The following SOX6 variants were observed in gnomAD, a reference collection of about 807,000 sequenced individuals.
SOX6 encodes the protein SRY-box transcription factor 6.
In SOX6, 11 loss-of-function variants were observed where a neutral mutation model predicts 97.8. The ratio of observed to expected loss-of-function variants is 0.11; its 90% CI spans 0.07 to 0.19. SOX6 has a LOEUF of 0.19. Among genes scored for constraint, SOX6 ranks in the 10% least tolerant of loss-of-function variants. The probability of loss-of-function intolerance (pLI) is 1.00; values close to 1 mark genes in which losing one functional copy is unlikely to be tolerated. For synonymous variants in SOX6, 360 were observed against 371.4 expected (o/e 0.97, Z 0.35); for missense variants, 810 against 1,039.5 (o/e 0.78, Z 3.04).
chr11:16,690,372 C>A (rs980117361), intron 3 of SOX6, among the ~76,000 whole-genome samples: 4 of 152,182 alleles, frequency 2.6e-5, no homozygotes, highest in African/African-American at 9.7e-5. Flanking sequence ...TCTCTCCAGA[C>A]TATTATCTCT....
chr11:16,132,586 T>C (rs1849848606), intron 6 of SOX6, among the ~76,000 whole-genome samples: 2 of 151,954 alleles, frequency 1.3e-5, no homozygotes, highest in African/African-American at 4.8e-5. Flanking sequence ...GGGTACTTAT[T>C]AACATCATCT....
At chr11:16,465,167 C>A (rs1860005764) in intron 1 of SOX6, among the ~76,000 whole-genome samples, 1 of 152,178 alleles carries the variant, frequency 6.6e-6, no homozygotes. Context: ...TATACCCACA[C>A]TTTTCATGTC....
In SOX6 at chr11:16,318,786, A is replaced by T. The variant is rs531375391; in HGVS notation, c.238-133T>A. 2.0e-3 allele frequency: 1,283 copies of T among 639,786 alleles called. 4 individuals carry two copies. The highest frequency in any genetic ancestry group is 2.7e-3 in the Non-Finnish European group (1,027 of 382,612). 39.6% of individuals were successfully genotyped at this position (639,786 alleles called of 1,614,324 possible). A position where few individuals can be genotyped will look rare whatever the true frequency, so the allele number is the denominator to read the frequency against. ...TAAAATATATTAATTAAAATAAAATACAAGTAACTTAGTAGGACAAATAAA... is the reference window on the plus strand; with the variant it reads ...TAAAATATATTAATTAAAATAAAATTCAAGTAACTTAGTAGGACAAATAAA... On this transcript the variant is annotated intron_variant, in intron 2 of 15. Coordinates refer to ENST00000683767, the MANE Select transcript of SOX6 (RefSeq NM_001367873.1).
chr11:16,500,414 C>T (rs1319765168), intron 4 of SOX6, among the ~76,000 whole-genome samples: 2 of 152,122 alleles, frequency 1.3e-5, no homozygotes, highest in South Asian at 2.1e-4. Flanking sequence ...ACAGGGATGC[C>T]CTCTCCCACC....
At chr11:16,532,297 C>T (rs896891087) in intron 4 of SOX6, among the ~76,000 whole-genome samples, 2 of 151,746 alleles carry the variant, frequency 1.3e-5, no homozygotes, top group African/African-American at 4.8e-5. Context: ...CCTATTTATT[C>T]TTACTCTTCA....
At chr11:16,447,269 A>G (rs914088846) in intron 1 of SOX6, among the ~76,000 whole-genome samples, 1 of 152,186 alleles carries the variant, frequency 6.6e-6, no homozygotes, top group Non-Finnish European at 1.5e-5. Flanking sequence ...GAGCACAGTC[A>G]TTGAATAAAC....
At chr11:16,464,014 C>T (rs186183856) in intron 1 of SOX6, among the ~76,000 whole-genome samples, 2 of 152,190 alleles carry the variant, frequency 1.3e-5, no homozygotes, top group Non-Finnish European at 2.9e-5. Flanking sequence ...TAGGGACATC[C>T]CTGATGGTTA....
intron 3 of SOX6, among the ~76,000 whole-genome samples, chr11:16,650,790 A>C (rs1847637316): frequency 1.2e-5 from 1 of 83,412 alleles, no homozygotes; most frequent in Non-Finnish European, 2.3e-5. Context: ...GAACTAAATG[A>C]AATTGAAACA....
At chr11:16,473,000 G>A (rs1411272238) in intron 1 of SOX6, among the ~76,000 whole-genome samples, 2 of 152,058 alleles carry the variant, frequency 1.3e-5, no homozygotes, top group Non-Finnish European at 2.9e-5. Flanking sequence ...TACATCCACA[G>A]AGACATTTTT....
intron 1 of SOX6, among the ~76,000 whole-genome samples, chr11:16,419,515 C>G (rs907717976): frequency 4.0e-5 from 6 of 148,824 alleles, no homozygotes; most frequent in Admixed American, 2.7e-4. Context: ...ACCTGAAAAC[C>G]ATAGTGAGAA....
intron 3 of SOX6, among the ~76,000 whole-genome samples, chr11:16,307,411 T>A (rs1855474301): frequency 6.6e-6 from 1 of 152,198 alleles, no homozygotes; most frequent in Admixed American, 6.5e-5. Context: ...GAATAATTTT[T>A]AGGACTATGT....
chr11:16,027,853 G>A (rs905828170), intron 12 of SOX6, among the ~76,000 whole-genome samples: 3 of 152,228 alleles, frequency 2.0e-5, no homozygotes, highest in Admixed American at 2.0e-4. Context: ...TGAAGTTGAT[G>A]GGAGGACAAA....
In SOX6 at chr11:16,472,742, TTAAA is replaced by T. The variant is rs540962377; in HGVS notation, c.-5+3569_-5+3572del. Reference sequence around the variant, plus strand: ...TATTAAAAGAAAGGTAAAGCTGGTATTAAATAAATTTTCAATAGCTCTGCTTAAA... The same window carrying T: ...TATTAAAAGAAAGGTAAAGCTGGTATTAAATTTTCAATAGCTCTGCTTAAA... On this transcript the variant is annotated intron_variant, in intron 1 of 15. Transcript: ENST00000396356. Among the ~76,000 whole-genome samples the T allele has an allele frequency of 1.6e-3, 244 of 152,252 alleles. 2 individuals are homozygous for T. Among genetic ancestry groups the T allele is most frequent in the African/African-American group, 5.8e-3 (240 of 41,574 alleles).
intron 4 of SOX6, among the ~76,000 whole-genome samples, chr11:16,213,386 C>T (rs1487767958): frequency 1.3e-5 from 2 of 151,866 alleles, no homozygotes; most frequent in Non-Finnish European, 2.9e-5. Flanking sequence ...CCTGTCTTTC[C>T]CTGTATATGT....
At chr11:16,493,342 T>C (rs1215836771) in intron 4 of SOX6, among the ~76,000 whole-genome samples, 2 of 152,156 alleles carry the variant, frequency 1.3e-5, no homozygotes, top group Non-Finnish European at 2.9e-5. Flanking sequence ...CAAAAGGATA[T>C]ATAAAGACCA....
chr11:15,984,498 A>G (rs1363974512), intron 15 of SOX6, among the ~76,000 whole-genome samples: 2 of 152,204 alleles, frequency 1.3e-5, no homozygotes, highest in Non-Finnish European at 2.9e-5. Context: ...GAGGTGTACT[A>G]ACGGGATTAA....
chr11:16,132,915 T>C (rs566975680), intron 6 of SOX6, among the ~76,000 whole-genome samples: 9 of 152,288 alleles, frequency 5.9e-5, no homozygotes, highest in Admixed American at 5.2e-4. Context: ...TAGGCAGATT[T>C]CAATCCTTCT....
chr11:16,064,085 G>C (rs1213903703), intron 9 of SOX6, among the ~76,000 whole-genome samples: 3 of 151,686 alleles, frequency 2.0e-5, no homozygotes, highest in Non-Finnish European at 3.0e-5. Flanking sequence ...AGAGGTAACA[G>C]CACCACCAGT....
chr11:16,650,115 G>C (rs932918285), intron 3 of SOX6, among the ~76,000 whole-genome samples: 2 of 152,034 alleles, frequency 1.3e-5, no homozygotes, highest in Admixed American at 1.3e-4. Flanking sequence ...CCTAACACTA[G>C]AGCTCCCAAA....
Sources: gnomAD v4.1 joint callset for allele counts (sites outside exome capture counted in the v4.1 genomes callset) on GRCh38, gnomAD v4.1.1 for gene constraint, MANE v1.5 for transcripts, NCBI Gene and HGNC (gene_info 2026-07-23, HGNC 2026-07-21) for gene names.